The following ZNF667 variants were observed in gnomAD, a reference collection of about 807,000 sequenced individuals.
The protein encoded by ZNF667 is zinc finger protein 667.
ZNF667 carries 13 observed loss-of-function variants against 31.8 expected under a neutral mutation model. That is an observed-to-expected ratio of 0.41 (90% confidence interval 0.27 to 0.65). ZNF667 has a LOEUF of 0.65. Ranked by LOEUF, ZNF667 falls within the 30% of genes least tolerant of loss-of-function variation. The pLI, the probability that ZNF667 is intolerant of heterozygous loss-of-function variation, is 0.32. For missense variants in ZNF667, 642 were observed against 725.6 expected (o/e 0.88, Z 1.32); for synonymous variants, 228 against 247.1 (o/e 0.92, Z 0.73).
chr19:56,452,074 G>C (rs1193606115), intron 6 of ZNF667, among the ~76,000 whole-genome samples: 2 of 148,630 alleles, frequency 1.3e-5, no homozygotes, highest in Non-Finnish European at 3.0e-5. Context: ...TTGAGACAGA[G>C]TTTCGCTCTT....
chr19:56,460,699 C>G lies in ZNF667; in HGVS notation c.150G>C (p.Leu50=). Residue 50 remains leucine (L), a synonymous_variant, in exon 5 of 7, where the codon CTG becomes CTC. Transcript: ENST00000504904. ...EDVMLENYRN[L]VSLGLSFRRP... ...GACGAAGAGCCTTACCAAGCGAGAC[C>G]AGGTTCCGGTAATTCTCCAACATGA... The G allele has an allele frequency of 6.2e-7, 1 of 1,611,294 alleles. No homozygotes were observed. The highest frequency in any genetic ancestry group is 8.5e-7 in the Non-Finnish European group (1 of 1,178,828).
chr19:56,451,167 G>C (rs1328978387), intron 6 of ZNF667, among the ~76,000 whole-genome samples: 2 of 151,822 alleles, frequency 1.3e-5, no homozygotes, highest in African/African-American at 2.4e-5. Context: ...AACCAAAAAA[G>C]AGCAGGAGCA....
At chr19:56,461,567 C>T (rs2043045565) in intron 4 of ZNF667, among the ~76,000 whole-genome samples, 1 of 152,186 alleles carries the variant, frequency 6.6e-6, no homozygotes, top group Admixed American at 6.5e-5. Flanking sequence ...AAGCAGATGA[C>T]CCAGCTAAAC....
At chr19:56,448,638 T>TA (rs34255832) in intron 6 of ZNF667, among the ~76,000 whole-genome samples, 57,222 of 148,710 alleles carry the variant, frequency 0.38, 11,637 homozygotes, top group East Asian at 0.79. Context: ...TCAACCACAG[T>TA]AAAAAAAAAA....
chr19:56,455,641 G>A (rs2042915774), intron 6 of ZNF667, among the ~76,000 whole-genome samples: 1 of 152,124 alleles, frequency 6.6e-6, no homozygotes, highest in African/African-American at 2.4e-5. Context: ...GCAGAAAAAA[G>A]GAGATGGTTA....
chr19:56,462,482 C>T (rs2043066373), intron 3 of ZNF667, 53 bp from the exon 4 acceptor site: 4 of 1,117,242 alleles, frequency 3.6e-6, no homozygotes, highest in Non-Finnish European at 5.5e-6. Context: ...AGGCCCCTAC[C>T]TAACCTGGAG....
chr19:56,443,126 C>T (rs2042652157), intron 6 of ZNF667, among the ~76,000 whole-genome samples: 1 of 151,998 alleles, frequency 6.6e-6, no homozygotes, highest in African/African-American at 2.4e-5. Context: ...TGGGGATTAA[C>T]TGAAAATGGA....
rs528532213 is a variant in ZNF667, at chr19:56,462,744, G to T, written c.-59-315C>A. Among the ~76,000 whole-genome samples the T allele has an allele frequency of 7.9e-5, 12 of 152,308 alleles. No individual in the cohort carries two copies. In the South Asian group the frequency reaches 1.7e-3, roughly 21 times the overall value. On this transcript the variant is annotated intron_variant, in intron 3 of 6. Transcript: ENST00000504904. ...TGGGTGTCCAGCTGTCCCAGGTACTGGGGGGAGAGCAGTGAGTTAAAGTGG... is the reference window on the plus strand; with the variant it reads ...TGGGTGTCCAGCTGTCCCAGGTACTTGGGGGAGAGCAGTGAGTTAAAGTGG...
chr19:56,442,658 A>C lies in ZNF667; in HGVS notation c.337T>G (p.Ser113Ala). Residue 113 changes from serine (S) to alanine (A), a missense_variant, in exon 7 of 7, where the codon TCT becomes GCT. Ser to Ala is a moderately conservative substitution (Grantham distance 99). Coordinates refer to ENST00000504904, the MANE Select transcript of ZNF667 (RefSeq NM_001321356.2). The stretch of plus-strand genomic sequence containing the variant: ...CGTGTAGGAGCTTTTTGTTGTGCAG[A>C]AACTAGTTTCTGGCAGATGCTTTGC... Reference protein sequence around the residue: ...SGQSICQKLVSAQQKAPTRKS... With the variant: ...SGQSICQKLVAAQQKAPTRKS... 1.2e-6 allele frequency: 2 copies of C among 1,613,416 alleles called. No individual in the cohort carries two copies. The highest frequency in any genetic ancestry group is 1.7e-6 in the Non-Finnish European group (2 of 1,179,854).
chr19:56,460,507 C>G (rs548022266), intron 5 of ZNF667, among the ~76,000 whole-genome samples, 182 bp downstream of exon 5: 6 of 152,100 alleles, frequency 3.9e-5, no homozygotes, highest in Non-Finnish European at 7.3e-5. Flanking sequence ...TCTGAATACA[C>G]TATTATAAAA....
Position 56,440,698 on chromosome 19 carries a change from GC to G in ZNF667, c.*463del. 1 of 687,342 alleles carries G rather than the reference GC, an allele frequency of 1.5e-6. No individual in the cohort carries two copies. Among genetic ancestry groups the G allele is most frequent in the Non-Finnish European group, 1.8e-6 (1 of 556,518 alleles). The allele number at this position is 687,342 out of a possible 1,614,324, so 42.6% of individuals were successfully genotyped here. On this transcript the variant is annotated 3_prime_UTR_variant, in exon 7 of 7. Transcript: ENST00000504904. ...GTTGCCCAGACTGGAGTGCAGTGGT[GC>G]AATCTCTGCTCGGTGCAACCCCCAC...
At chr19:56,451,117 T>TA (rs1480716544) in intron 6 of ZNF667, among the ~76,000 whole-genome samples, 3 of 149,714 alleles carry the variant, frequency 2.0e-5, no homozygotes, top group Admixed American at 6.6e-5. Flanking sequence ...ACACATAGAC[T>TA]AAAAATAAAG....
At chr19:56,448,140 G>A (rs1180488496) in intron 6 of ZNF667, among the ~76,000 whole-genome samples, 1 of 152,062 alleles carries the variant, frequency 6.6e-6, no homozygotes, top group African/African-American at 2.4e-5. Flanking sequence ...GCCTGGCAGT[G>A]CAGCATGGCA....
At chr19:56,458,439 C>T (rs981976671) in intron 5 of ZNF667, among the ~76,000 whole-genome samples, 192 bp from the exon 6 acceptor site, 6 of 152,106 alleles carry the variant, frequency 3.9e-5, no homozygotes, top group South Asian at 4.2e-4. Flanking sequence ...TCCCTGTTTC[C>T]GGCACACAGC....
rs1325268986 is a variant in ZNF667 at position 56,462,353 on chromosome 19, C to A, written c.18G>T (p.Gly6=). ...TGCCACTTACCTTGGATTTGGATTT[C>A]CCCCGTGCAGAAGGCATCCTTTCCT... MPSAR[G]KSKSKAPITF... The change falls in exon 4 of 7, where the codon GGG becomes GGT. Residue 6 remains glycine (G), a synonymous_variant. Transcript: ENST00000504904. 2.5e-6 allele frequency: 4 copies of A among 1,614,034 alleles called. No individual in the cohort carries two copies. The highest frequency in any genetic ancestry group is 1.7e-6 in the Non-Finnish European group (2 of 1,180,022).
intron 3 of ZNF667, among the ~76,000 whole-genome samples, chr19:56,463,531 C>CT (rs911298507): frequency 1.1e-3 from 173 of 151,384 alleles, no homozygotes; most frequent in Non-Finnish European, 2.0e-3. Context: ...ATTTTCTTCC[C>CT]TTTTTTTTTC....
At chr19:56,474,889 G>A (rs2043369008) in intron 1 of ZNF667, 1 of 152,080 alleles carries the variant, frequency 6.6e-6, no homozygotes, top group African/African-American at 2.4e-5. Flanking sequence ...GCATCGTTTA[G>A]AATAACGTTC....
chr19:56,466,188 T>G (rs1242609639), intron 3 of ZNF667, among the ~76,000 whole-genome samples: 1 of 152,202 alleles, frequency 6.6e-6, no homozygotes, highest in Non-Finnish European at 1.5e-5. Context: ...CTGTGCACCC[T>G]TCCCTTTGCT....
At chr19:56,477,984 C>T (rs1204841346), upstream of ZNF667, 1 of 152,436 alleles carries the variant, frequency 6.6e-6, no homozygotes, top group Non-Finnish European at 1.5e-5. Flanking sequence ...TGAACTGACC[C>T]GGGAGAGCAG....
Sources: allele counts gnomAD v4.1 joint callset (sites outside exome capture counted in the v4.1 genomes callset), GRCh38; gene constraint gnomAD v4.1.1; transcripts MANE v1.5; gene names NCBI Gene and HGNC (gene_info 2026-07-23, HGNC 2026-07-21).